Variants in DPYSL5 observed in about 807,000 individuals in gnomAD.
DPYSL5 encodes the protein dihydropyrimidinase like 5, also known as dihydropyrimidinase-related protein 5.
In DPYSL5, 9 loss-of-function variants were observed where a neutral mutation model predicts 58.4. That is an observed-to-expected ratio of 0.15 (90% CI 0.09 to 0.27). The LOEUF is 0.27. DPYSL5 is among the 10% of genes least tolerant of loss of function. The pLI is 1.00. For missense variants in DPYSL5, 499 were observed against 770.6 expected (o/e 0.65, Z 4.17); for synonymous variants, 293 against 301.9 (o/e 0.97, Z 0.31).
chr2:26,866,446 C>T (rs1666141724), intron 1 of DPYSL5, among the ~76,000 whole-genome samples: 1 of 151,738 alleles, frequency 6.6e-6, no homozygotes, highest in Non-Finnish European at 1.5e-5. Flanking sequence ...TTGGTGACCA[C>T]CTTTCATGCA....
At chr2:26,881,224 C>G (rs888902432) in intron 1 of DPYSL5, among the ~76,000 whole-genome samples, 15 of 152,176 alleles carry the variant, frequency 9.9e-5, no homozygotes, top group Non-Finnish European at 1.8e-4. Context: ...TCACTCACTC[C>G]CATTCATTTC....
At chr2:26,880,357 C>G (rs1355410529) in intron 1 of DPYSL5, among the ~76,000 whole-genome samples, 2 of 152,342 alleles carry the variant, frequency 1.3e-5, no homozygotes, top group Admixed American at 1.3e-4. Flanking sequence ...TCACTGCCCT[C>G]CCTGTCTCCA....
intron 4 of DPYSL5, among the ~76,000 whole-genome samples, 166 bp from the exon 5 acceptor site, chr2:26,928,089 T>G (rs1161144417): frequency 6.6e-6 from 1 of 152,222 alleles, no homozygotes; most frequent in Non-Finnish European, 1.5e-5. Context: ...GGGCGGCCTG[T>G]GCATGCTCTG....
chr2:26,922,876 G>C (rs1396311755), intron 2 of DPYSL5, among the ~76,000 whole-genome samples: 2 of 152,170 alleles, frequency 1.3e-5, no homozygotes, highest in Non-Finnish European at 2.9e-5. Flanking sequence ...GCTCCTGCAG[G>C]TGCCACAGAA....
chr2:26,913,046 C>T (rs1558342709), intron 2 of DPYSL5, among the ~76,000 whole-genome samples: 1 of 152,208 alleles, frequency 6.6e-6, no homozygotes, highest in Non-Finnish European at 1.5e-5. Flanking sequence ...GGAGTAACCC[C>T]TCCCCTAGAG....
chr2:26,877,530 A>G lies in DPYSL5; in HGVS notation c.-4-20966A>G, dbSNP rs1663444801. ...GATCATGTCAACCCTTGGAGCAGCT[A>G]GTGTTTAATCATCTCCTGCTAGCGC... On this transcript the variant is annotated intron_variant, in intron 1 of 12. Transcript: ENST00000288699. The surrounding 1 kb of genome is among the most constrained non-coding windows in gnomAD (Gnocchi z 4.1). Among the ~76,000 whole-genome samples, 1 of 152,186 alleles carries G rather than the reference A, an allele frequency of 6.6e-6. No individual in the cohort carries two copies. The highest frequency in any genetic ancestry group is 1.5e-5 in the Non-Finnish European group (1 of 68,038).
At chr2:26,854,257 G>C (rs956079982) in intron 1 of DPYSL5, among the ~76,000 whole-genome samples, 1 of 151,944 alleles carries the variant, frequency 6.6e-6, no homozygotes, top group Non-Finnish European at 1.5e-5. Flanking sequence ...TCAGGAGTTC[G>C]AGACCAGCCT....
chr2:26,854,984 A>C (rs1343265764), intron 1 of DPYSL5, among the ~76,000 whole-genome samples: 1 of 151,572 alleles, frequency 6.6e-6, no homozygotes, highest in African/African-American at 2.4e-5. Flanking sequence ...CACCCAGCTA[A>C]TTTTTGTATT....
chr2:26,927,133 G>T lies in DPYSL5; in HGVS notation c.421-120G>T. The T allele has an allele frequency of 4.7e-6, 5 of 1,053,590 alleles. No individual in the cohort carries two copies. Among genetic ancestry groups the T allele is most frequent in the Non-Finnish European group, 6.8e-6 (5 of 738,686 alleles). The allele number at this position is 1,053,590 out of a possible 1,614,324, so 65.3% of individuals were successfully genotyped here. On this transcript the variant is annotated intron_variant, in intron 3 of 12. Transcript: ENST00000288699. This position sits in a 1 kb window ranked among gnomAD's most constrained non-coding sequence, Gnocchi z 4.3. ...AAAGTGAGATAGAGAGGTGTGGGGG[G>T]TCAACCGACAGACTGAGCTGGGGCA...
At chr2:26,928,447 AC>A in intron 5 of DPYSL5, 124 bp downstream of exon 5, 2 of 1,096,352 alleles carry the variant, frequency 1.8e-6, no homozygotes, top group Non-Finnish European at 2.7e-6. Context: ...TGTAATCCCA[AC>A]ATTTGGGAGG....
At chr2:26,929,073 C>G (rs1664905993) in intron 5 of DPYSL5, among the ~76,000 whole-genome samples, 1 of 151,976 alleles carries the variant, frequency 6.6e-6, no homozygotes, top group South Asian at 2.1e-4. Context: ...GCTGAGAGCC[C>G]CCTGGGCTCC....
rs1664022350 is a variant in DPYSL5 at position 26,896,449 on chromosome 2, A to G, written c.-4-2047A>G. ...ATAGTAGTTCTATTTTTAAGTTTTTAAGGATTCTGTATACTGTTTTCCATA... is the reference window on the plus strand; with the variant it reads ...ATAGTAGTTCTATTTTTAAGTTTTTGAGGATTCTGTATACTGTTTTCCATA... On this transcript the variant is annotated intron_variant, in intron 1 of 12. Transcript: ENST00000288699. Among the ~76,000 whole-genome samples, 3 of 152,294 alleles carry G rather than the reference A, an allele frequency of 2.0e-5. No individual in the cohort carries two copies. In the South Asian group the frequency reaches 6.2e-4, roughly 32 times the overall value.
At position 26,933,842 on chromosome 2, in the gene DPYSL5, C is replaced by A. The variant is rs550807989; in HGVS notation, c.790+509C>A. ...TCTGTTGCGGATCGCCTGGCAGTAC[C>A]TAAAGGCTTGCAGATGCTTGGAGTC... On this transcript the variant is annotated intron_variant, in intron 7 of 12. Transcript: ENST00000288699. The surrounding 1 kb of genome is among the most constrained non-coding windows in gnomAD (Gnocchi z 4.2). 6.6e-5 allele frequency among the ~76,000 whole-genome samples: 10 copies of A among 152,264 alleles called. No individual in the cohort carries two copies. In the South Asian group the frequency reaches 2.1e-3, roughly 32 times the overall value.
At chr2:26,931,226 T>C (rs1438758489) in intron 5 of DPYSL5, among the ~76,000 whole-genome samples, 2 of 123,452 alleles carry the variant, frequency 1.6e-5, no homozygotes, top group Non-Finnish European at 3.3e-5. Context: ...TATATATATA[T>C]ATATGAATTA....
At chr2:26,902,651 A>G (rs1664187984) in intron 2 of DPYSL5, among the ~76,000 whole-genome samples, 2 of 152,184 alleles carry the variant, frequency 1.3e-5, no homozygotes, top group African/African-American at 4.8e-5. Context: ...GAGCAGCTCC[A>G]TCTTAAATAG....
chr2:26,929,319 G>A (rs1664913651), intron 5 of DPYSL5, among the ~76,000 whole-genome samples: 1 of 152,118 alleles, frequency 6.6e-6, no homozygotes, highest in Non-Finnish European at 1.5e-5. Context: ...TGCAACCTCT[G>A]CATCCCGGGT....
chr2:26,934,795 G>C lies in DPYSL5; in HGVS notation c.947+61G>C. 6.3e-7 allele frequency: 1 copy of C among 1,582,578 alleles called. No homozygotes were observed. Among genetic ancestry groups the C allele is most frequent in the Non-Finnish European group, 8.6e-7 (1 of 1,161,832 alleles). ...ACATCTTTAGGAAGACGTCATAGAGGGCCCAGGAAACAAATCTGAGCTAGG... is the reference window on the plus strand; with the variant it reads ...ACATCTTTAGGAAGACGTCATAGAGCGCCCAGGAAACAAATCTGAGCTAGG... On this transcript the variant is annotated intron_variant, in intron 8 of 12. Coordinates refer to ENST00000288699, the MANE Select transcript of DPYSL5 (RefSeq NM_020134.4). This position sits in a 1 kb window ranked among gnomAD's most constrained non-coding sequence, Gnocchi z 4.3.
chr2:26,921,817 C>T (rs1377110252), intron 2 of DPYSL5, among the ~76,000 whole-genome samples: 3 of 152,114 alleles, frequency 2.0e-5, no homozygotes, highest in Non-Finnish European at 2.9e-5. Context: ...TAGATGCTCT[C>T]ACATCCATTG....
At chr2:26,903,066 C>CTT (rs537308074) in intron 2 of DPYSL5, among the ~76,000 whole-genome samples, 4 of 144,486 alleles carry the variant, frequency 2.8e-5, no homozygotes, top group African/African-American at 2.5e-5. Context: ...CCTCTACTTT[C>CTT]TTTTTTTTTT....
Sources: gnomAD v4.1 joint callset for allele counts (sites outside exome capture counted in the v4.1 genomes callset) on GRCh38, gnomAD v4.1.1 for gene constraint, Gnocchi (gnomAD v3.1) non-coding constraint, MANE v1.5 for transcripts, NCBI Gene and HGNC (gene_info 2026-07-23, HGNC 2026-07-21) for gene names.